Variants in ADAMTS20 observed in about 807,000 individuals in gnomAD.
The protein encoded by ADAMTS20 is A disintegrin and metalloproteinase with thrombospondin motifs 20.
A neutral mutation model predicts 260.1 loss-of-function variants in ADAMTS20; 225 were observed. That is an observed-to-expected ratio of 0.87 (90% CI 0.78 to 0.97). The LOEUF is 0.97. Among genes scored for constraint, ADAMTS20 ranks in the 50% least tolerant of loss-of-function variants. ADAMTS20 has a pLI of 0.00. For synonymous variants in ADAMTS20, 802 were observed against 769.5 expected (o/e 1.04, Z -0.70); for missense variants, 2,400 against 2,337.7 (o/e 1.03, Z -0.55).
At chr12:43,475,102 G>A (rs1427718287) in intron 7 of ADAMTS20, among the ~76,000 whole-genome samples, 2 of 119,068 alleles carry the variant, frequency 1.7e-5, no homozygotes, top group African/African-American at 6.0e-5. Context: ...CATCGTCTCA[G>A]CCCAAAATCT....
intron 4 of ADAMTS20, among the ~76,000 whole-genome samples, chr12:43,498,322 A>G (rs908130342): frequency 1.3e-5 from 2 of 152,234 alleles, no homozygotes; most frequent in African/African-American, 4.8e-5. Flanking sequence ...AAAGTTTAAG[A>G]AGACAGCACA....
Position 43,430,363 on chromosome 12 carries a change from TG to T in ADAMTS20, c.3369del (p.Ser1124ValfsTer27). On this transcript the variant is annotated frameshift_variant, in exon 23 of 39. Coordinates refer to ENST00000389420, the MANE Select transcript of ADAMTS20 (RefSeq NM_025003.5). LOFTEE classifies it high-confidence loss of function. ...EDTECHEASR[P>X]SDRQSCVLTP... ...ATGATTCTTTTTACCTGTCTGTCACTGGGGCGACTAGCTTCATGGCATTCTG... is the reference window on the plus strand; with the variant it reads ...ATGATTCTTTTTACCTGTCTGTCACTGGGCGACTAGCTTCATGGCATTCTG... 1.2e-6 allele frequency: 2 copies of T among 1,612,408 alleles called. No individual in the cohort carries two copies. The highest frequency in any genetic ancestry group is 1.7e-6 in the Non-Finnish European group (2 of 1,179,058).
chr12:43,538,917 T>C (rs537369745), intron 2 of ADAMTS20, among the ~76,000 whole-genome samples: 1 of 150,780 alleles, frequency 6.6e-6, no homozygotes, highest in East Asian at 2.0e-4. Flanking sequence ...TCCTATATCC[T>C]TGGGTAAATA....
chr12:43,497,969 T>C (rs1942700810), intron 4 of ADAMTS20, among the ~76,000 whole-genome samples: 1 of 152,118 alleles, frequency 6.6e-6, no homozygotes, highest in African/African-American at 2.4e-5. Context: ...AAAATAAATA[T>C]ACTGAAGAAA....
intron 3 of ADAMTS20, among the ~76,000 whole-genome samples, chr12:43,525,106 A>G (rs1257980363): frequency 6.6e-6 from 1 of 152,184 alleles, no homozygotes; most frequent in Non-Finnish European, 1.5e-5. Context: ...AACATAAAAG[A>G]AAGAATTCTA....
chr12:43,459,037 C>T (rs531448113), intron 11 of ADAMTS20, among the ~76,000 whole-genome samples: 40 of 152,184 alleles, frequency 2.6e-4, no homozygotes, highest in Non-Finnish European at 4.6e-4. Context: ...CCCAGACATT[C>T]GAGCCTGCAA....
intron 37 of ADAMTS20, 123 bp downstream of exon 37, chr12:43,369,167 A>T (rs1015078753): frequency 3.9e-6 from 2 of 508,984 alleles, no homozygotes; most frequent in South Asian, 1.3e-4. Context: ...CAAAGCGCAT[A>T]TGTGAAGTTT....
intron 37 of ADAMTS20, 76 bp from the exon 38 acceptor site, chr12:43,356,664 C>T (rs1939752270): frequency 6.0e-6 from 6 of 993,066 alleles, no homozygotes; most frequent in Non-Finnish European, 9.2e-6. Flanking sequence ...TTCTCAATTG[C>T]AAGGGGCAAC....
Position 43,429,650 on chromosome 12 carries a change from CT to C in ADAMTS20, c.3455del (p.Lys1152ArgfsTer26). 1.3e-6 allele frequency: 2 copies of C among 1,599,472 alleles called. No homozygotes were observed. Among genetic ancestry groups the C allele is most frequent in the Non-Finnish European group, 1.7e-6 (2 of 1,172,068 alleles). On this transcript the variant is annotated frameshift_variant, in exon 24 of 39. Transcript: ENST00000389420. LOFTEE classifies it high-confidence loss of function. ...AAGAACCATGTCGCCATTGTGCCATCTTTTTTATGAGAACAGTTGGTAATAA... is the reference window on the plus strand; with the variant it reads ...AAGAACCATGTCGCCATTGTGCCATCTTTTTATGAGAACAGTTGGTAATAA... ...TALLPTVLIK[K>X]MAQWRHGSWT... is the part of the protein sequence containing the mutation.
chr12:43,368,428 T>C (rs570690363), intron 37 of ADAMTS20, among the ~76,000 whole-genome samples: 6 of 152,216 alleles, frequency 3.9e-5, no homozygotes, highest in South Asian at 2.1e-4. Flanking sequence ...CCTGTAGTTC[T>C]AGTGTCTCTT....
chr12:43,419,638 T>C (rs529721722), intron 28 of ADAMTS20, among the ~76,000 whole-genome samples: 62 of 152,150 alleles, frequency 4.1e-4, no homozygotes, highest in African/African-American at 1.3e-3. Flanking sequence ...TGGAAACATA[T>C]AGAAAAAAAC....
intron 7 of ADAMTS20, among the ~76,000 whole-genome samples, chr12:43,479,122 C>A (rs1034769726): frequency 6.6e-6 from 1 of 152,098 alleles, no homozygotes; most frequent in Non-Finnish European, 1.5e-5. Flanking sequence ...CTCAGACACA[C>A]CAACTCTATT....
At chr12:43,458,469 C>G (rs1216158118) in intron 11 of ADAMTS20, among the ~76,000 whole-genome samples, 1 of 152,184 alleles carries the variant, frequency 6.6e-6, no homozygotes, top group Non-Finnish European at 1.5e-5. Context: ...GTCCTCCTTG[C>G]TCTTCTTTGA....
rs1420448907 is a variant in ADAMTS20 at position 43,464,526 on chromosome 12, G to T, written c.1509+65C>A. 28 of 1,537,512 alleles carry T rather than the reference G, an allele frequency of 1.8e-5. 1 individual carries two copies. In the South Asian group the frequency reaches 3.3e-4, roughly 18 times the overall value. The stretch of plus-strand genomic sequence containing the variant: ...TAGTTCAAGAGAATAAACACATTTT[G>T]AAATATATTCTAAGATAACTTTATG... On this transcript the variant is annotated intron_variant, in intron 10 of 38. Coordinates refer to ENST00000389420, the MANE Select transcript of ADAMTS20 (RefSeq NM_025003.5).
chr12:43,455,786 G>A (rs907600991), intron 11 of ADAMTS20, among the ~76,000 whole-genome samples: 10 of 149,874 alleles, frequency 6.7e-5, no homozygotes, highest in African/African-American at 1.2e-4. Context: ...ACAGCTTACC[G>A]CAACCTCCGC....
chr12:43,503,634 G>A (rs1365662558), intron 3 of ADAMTS20, among the ~76,000 whole-genome samples: 1 of 151,832 alleles, frequency 6.6e-6, no homozygotes, highest in Non-Finnish European at 1.5e-5. Context: ...TCGTGTCATG[G>A]GAGTTTGGTG....
chr12:43,525,013 T>C (rs904511550), intron 3 of ADAMTS20, among the ~76,000 whole-genome samples: 2 of 152,172 alleles, frequency 1.3e-5, no homozygotes, highest in African/African-American at 4.8e-5. Context: ...GATGTCAAAA[T>C]ACAAGAAGCT....
chr12:43,442,818 A>T (rs1044789239), intron 16 of ADAMTS20, among the ~76,000 whole-genome samples: 1 of 152,192 alleles, frequency 6.6e-6, no homozygotes, highest in Non-Finnish European at 1.5e-5. Flanking sequence ...AACTGATATA[A>T]CATAAAATTA....
Position 43,439,700 on chromosome 12 carries a change from T to C in ADAMTS20, c.2515A>G (p.Ile839Val). 1.2e-6 allele frequency: 2 copies of C among 1,613,802 alleles called. No homozygotes were observed. Among genetic ancestry groups the C allele is most frequent in the Non-Finnish European group, 1.7e-6 (2 of 1,179,798 alleles). Residue 839 changes from isoleucine (I) to valine (V), a missense_variant, in exon 18 of 39, where the codon ATC (isoleucine) becomes GTC (valine). Physicochemically the swap from Ile to Val is conservative, Grantham distance 29. Transcript: ENST00000389420. ...YNPDVHYSFN[I>V]PLEERSDMFT... is the part of the protein sequence containing the mutation. ...ATGTCACTCCTCTCTTCCAAAGGGA[T>C]ATTGAAGGAATAATGTACATCAGGG... is the stretch of plus-strand genomic sequence containing the variant.
Sources: allele counts gnomAD v4.1 joint callset (sites outside exome capture counted in the v4.1 genomes callset), GRCh38; gene constraint gnomAD v4.1.1; transcripts MANE v1.5; gene names NCBI Gene and HGNC (gene_info 2026-07-23, HGNC 2026-07-21).